The following CDH18 variants were observed in gnomAD, a reference collection of about 807,000 sequenced individuals.
The protein encoded by CDH18 is cadherin 18, also known as cadherin-18.
A neutral mutation model predicts 67.9 loss-of-function variants in CDH18; 31 were observed. The observed-to-expected ratio is 0.46, with a 90% CI of 0.34 to 0.62. The LOEUF is 0.62. CDH18 is among the 20% of genes least tolerant of loss of function. The pLI is 0.01. For synonymous variants in CDH18, 362 were observed against 347.2 expected, an observed-to-expected ratio of 1.04 and a Z score of -0.48; for missense variants, 890 against 975.5, an observed-to-expected ratio of 0.91 and a Z score of 1.17.
intron 2 of CDH18, among the ~76,000 whole-genome samples, chr5:20,139,166 T>C (rs1261719682): frequency 6.6e-6 from 1 of 151,902 alleles, no homozygotes; most frequent in African/African-American, 2.4e-5. Context: ...ATACCACACA[T>C]CTACAACCAT....
chr5:19,941,267 T>G (rs1333754330), intron 2 of CDH18, among the ~76,000 whole-genome samples: 1 of 152,096 alleles, frequency 6.6e-6, no homozygotes, highest in Admixed American at 6.6e-5. Context: ...CATCATGACC[T>G]TAAACTCCTC....
intron 1 of CDH18, among the ~76,000 whole-genome samples, chr5:20,462,920 T>C (rs1751372671): frequency 6.6e-6 from 1 of 152,176 alleles, no homozygotes; most frequent in Admixed American, 6.6e-5. Context: ...AAATTAAAGA[T>C]TGTTCTACTT....
At chr5:19,774,344 G>A (rs982302831) in intron 3 of CDH18, among the ~76,000 whole-genome samples, 13 of 151,508 alleles carry the variant, frequency 8.6e-5, no homozygotes, top group Non-Finnish European at 1.8e-4. Flanking sequence ...AGCCCTAGTG[G>A]TGGAGGCTGA....
intron 2 of CDH18, among the ~76,000 whole-genome samples, chr5:20,161,359 T>G (rs1483013995): frequency 6.6e-6 from 1 of 152,270 alleles, no homozygotes; most frequent in South Asian, 2.1e-4. Context: ...AGTTGATTGC[T>G]AAAGGGAGCA....
chr5:20,433,394 A>C (rs1425056273), intron 1 of CDH18, among the ~76,000 whole-genome samples: 1 of 152,058 alleles, frequency 6.6e-6, no homozygotes, highest in East Asian at 1.9e-4. Flanking sequence ...TTCTACATAA[A>C]GTATTGTCTC....
At chr5:20,553,021 G>T (rs1441074232) in intron 1 of CDH18, among the ~76,000 whole-genome samples, 1 of 152,110 alleles carries the variant, frequency 6.6e-6, no homozygotes, top group Non-Finnish European at 1.5e-5. Context: ...CCAAAGTGCT[G>T]GGATTACAGG....
chr5:20,534,292 T>G (rs1037080041), intron 1 of CDH18, among the ~76,000 whole-genome samples: 2 of 152,122 alleles, frequency 1.3e-5, no homozygotes, highest in African/African-American at 4.8e-5. Flanking sequence ...AAGTAAGTGC[T>G]TCTTTCATTT....
At chr5:19,921,261 G>A (rs1792423989) in intron 2 of CDH18, among the ~76,000 whole-genome samples, 1 of 152,144 alleles carries the variant, frequency 6.6e-6, no homozygotes, top group Non-Finnish European at 1.5e-5. Flanking sequence ...GCCGGGCATA[G>A]TGGCTCACAC....
intron 2 of CDH18, among the ~76,000 whole-genome samples, chr5:20,073,925 C>T (rs2150529421): frequency 6.6e-6 from 1 of 152,170 alleles, no homozygotes; most frequent in East Asian, 1.9e-4. Flanking sequence ...CTATTACCTC[C>T]TGTAAAACCA....
intron 2 of CDH18, among the ~76,000 whole-genome samples, chr5:20,130,419 A>G (rs1046028278): frequency 7.8e-6 from 1 of 128,666 alleles, no homozygotes; most frequent in Non-Finnish European, 1.7e-5. Context: ...TTTTTTTTTC[A>G]CTTACGACTT....
chr5:20,210,157 C>T (rs918371716), intron 2 of CDH18, among the ~76,000 whole-genome samples: 1 of 151,560 alleles, frequency 6.6e-6, no homozygotes, highest in Non-Finnish European at 1.5e-5. Flanking sequence ...ATTATATTTG[C>T]TAGCCTTTTC....
chr5:19,593,753 C>G (rs1157629222), intron 6 of CDH18, among the ~76,000 whole-genome samples: 1 of 136,910 alleles, frequency 7.3e-6, no homozygotes, highest in Non-Finnish European at 1.5e-5. Context: ...TCTTCTTCTT[C>G]TTCTTCTTTC....
At chr5:19,688,246 C>A (rs931835556) in intron 5 of CDH18, among the ~76,000 whole-genome samples, 2 of 152,190 alleles carry the variant, frequency 1.3e-5, no homozygotes, top group African/African-American at 4.8e-5. Context: ...AACTGGCTCA[C>A]TTGGACTGGC....
At position 20,241,905 on chromosome 5, in the gene CDH18, T is replaced by TATATATATATATATATATATAA. The variant is rs369967608; in HGVS notation, c.-518+13538_-518+13539insTTATATATATATATATATATAT. Among the ~76,000 whole-genome samples, 324 of 141,142 alleles carry TATATATATATATATATATATAA rather than the reference T, an allele frequency of 2.3e-3. 2 individuals carry two copies. The highest frequency in any genetic ancestry group is 8.3e-3 in the African/African-American group (296 of 35,642). The allele number at this position is 141,142 out of a possible 152,430, so 92.6% of individuals were successfully genotyped here. A position where few individuals can be genotyped will look rare whatever the true frequency, so the allele number is the denominator to read the frequency against. ...ATATATATATATGTATATATATATA[T>TATATATATATATATATATATAA]ATATTGCTTAGTCAGAGGCACTGTG... is the stretch of plus-strand genomic sequence containing the variant. On this transcript the variant is annotated intron_variant, in intron 2 of 14. Coordinates refer to the CDH18 transcript ENST00000507958.
intron 2 of CDH18, among the ~76,000 whole-genome samples, chr5:20,164,671 T>C (rs765723340): frequency 6.6e-6 from 1 of 152,154 alleles, no homozygotes; most frequent in East Asian, 1.9e-4. Context: ...TAAATATAAG[T>C]AAATTAGAGG....
At chr5:19,748,056 T>C (rs1450012955) in intron 3 of CDH18, among the ~76,000 whole-genome samples, 1 of 123,636 alleles carries the variant, frequency 8.1e-6, no homozygotes, top group Non-Finnish European at 1.6e-5. Flanking sequence ...GAGCTTGCAG[T>C]GAGCCGAGAT....
At chr5:20,565,502 C>G (rs957903026) in intron 1 of CDH18, among the ~76,000 whole-genome samples, 1 of 152,044 alleles carries the variant, frequency 6.6e-6, no homozygotes, top group African/African-American at 2.4e-5. Flanking sequence ...ATCAGGAAGC[C>G]CATATCAATG....
chr5:19,719,355 T>A (rs1765717977), intron 5 of CDH18, among the ~76,000 whole-genome samples: 1 of 152,032 alleles, frequency 6.6e-6, no homozygotes, highest in Non-Finnish European at 1.5e-5. Flanking sequence ...GTTAGTATAT[T>A]TCTAAAAAAG....
rs185603268 is a variant in CDH18 at position 20,139,941 on chromosome 5, C to T, written c.-518+115503G>A. On this transcript the variant is annotated intron_variant, in intron 2 of 14. Coordinates refer to the CDH18 transcript ENST00000507958. ...CTTAAGGATCTAGAACTAGAAATAC[C>T]GTTTGACCCACCCATCCCATTACTG... Among the ~76,000 whole-genome samples, 384 of 152,234 alleles carry T rather than the reference C, an allele frequency of 2.5e-3. 1 individual carries two copies. The highest frequency in any genetic ancestry group is 8.2e-3 in the African/African-American group (341 of 41,542).
Sources: allele counts gnomAD v4.1 joint callset (sites outside exome capture counted in the v4.1 genomes callset), GRCh38; gene constraint gnomAD v4.1.1; transcripts MANE v1.5; gene names NCBI Gene and HGNC (gene_info 2026-07-23, HGNC 2026-07-21).